Variants in ROR2 observed in about 807,000 individuals in gnomAD.
The protein encoded by ROR2 is tyrosine-protein kinase transmembrane receptor ROR2.
In ROR2, 33 loss-of-function variants were observed where a neutral mutation model predicts 74.9. The ratio of observed to expected loss-of-function variants is 0.44; its 90% CI spans 0.33 to 0.59. ROR2 has a LOEUF of 0.59. Among genes scored for constraint, ROR2 ranks in the 20% least tolerant of loss-of-function variants. The pLI, the probability that ROR2 is intolerant of heterozygous loss-of-function variation, is 0.02. For missense variants in ROR2, 1,216 were observed against 1,313.8 expected (o/e 0.93, Z 1.15); for synonymous variants, 586 against 558.7 (o/e 1.05, Z -0.69).
chr9:91,770,088 T>C (rs1243834285), intron 2 of ROR2, among the ~76,000 whole-genome samples: 1 of 152,048 alleles, frequency 6.6e-6, no homozygotes, highest in African/African-American at 2.4e-5. Flanking sequence ...GTTCTATGTG[T>C]CTAGACCCTG....
chr9:91,899,718 A>G (rs1023756194), intron 1 of ROR2, among the ~76,000 whole-genome samples: 1 of 148,752 alleles, frequency 6.7e-6, no homozygotes, highest in Non-Finnish European at 1.5e-5. Context: ...AGACACACAC[A>G]CCAGGAATCT....
intron 2 of ROR2, among the ~76,000 whole-genome samples, chr9:91,760,243 C>T (rs1255339075): frequency 1.3e-5 from 2 of 152,214 alleles, no homozygotes; most frequent in Non-Finnish European, 2.9e-5. Flanking sequence ...CACTTCTAAC[C>T]TTGCCTTTCC....
intron 1 of ROR2, among the ~76,000 whole-genome samples, chr9:91,858,173 A>G (rs1587790967): frequency 6.6e-6 from 1 of 152,210 alleles, no homozygotes; most frequent in Non-Finnish European, 1.5e-5. Flanking sequence ...GAGTTCCTAC[A>G]GCTTCCAACC....
intron 1 of ROR2, among the ~76,000 whole-genome samples, chr9:91,861,850 G>A (rs988316548): frequency 7.9e-5 from 12 of 152,156 alleles, no homozygotes; most frequent in African/African-American, 2.7e-4. Flanking sequence ...TTTGTTAAGG[G>A]ATTTGTATTT....
At chr9:91,742,092 A>G (rs1216920885) in intron 4 of ROR2, among the ~76,000 whole-genome samples, 1 of 152,236 alleles carries the variant, frequency 6.6e-6, no homozygotes, top group East Asian at 1.9e-4. Flanking sequence ...ACAGTTCCAC[A>G]TGGCTGTGGA....
intron 1 of ROR2, among the ~76,000 whole-genome samples, chr9:91,867,491 G>A (rs1196187486): frequency 6.6e-6 from 1 of 152,134 alleles, no homozygotes; most frequent in African/African-American, 2.4e-5. Context: ...CATAGTCAAG[G>A]TGAGTATGCA....
chr9:91,731,121 G>T lies in ROR2; in HGVS notation c.972C>A (p.Tyr324Ter). 6.2e-7 allele frequency: 1 copy of T among 1,614,078 alleles called. No homozygotes were observed. The highest frequency in any genetic ancestry group is 8.5e-7 in the Non-Finnish European group (1 of 1,180,024). Reference sequence around the variant, plus strand: ...ACTTGGTGGTGCTTGCCGTTCCTCTGTAATCCATGCCTGAGCCGTTATAGC... The same window carrying T: ...ACTTGGTGGTGCTTGCCGTTCCTCTTTAATCCATGCCTGAGCCGTTATAGC... ...HQCYNGSGMDYRGTASTTKSG... is the reference protein window; with the variant it reads ...HQCYNGSGMD Residue 324 changes from tyrosine (Y) to a stop codon, truncating the protein, a stop_gained, in exon 7 of 9, where the codon TAC (tyrosine) becomes TAA (stop). Transcript: ENST00000375708. LOFTEE classifies it high-confidence loss of function.
At chr9:91,948,736 G>T (rs997357889) in intron 1 of ROR2, 36 of 985,296 alleles carry the variant, frequency 3.7e-5, no homozygotes, top group Non-Finnish European at 4.3e-5. Flanking sequence ...TGCAGGGATG[G>T]GGGATACTGA....
At chr9:91,735,567 G>A (rs1022065775) in intron 5 of ROR2, among the ~76,000 whole-genome samples, 2 of 147,476 alleles carry the variant, frequency 1.4e-5, no homozygotes, top group East Asian at 4.3e-4. Context: ...GAACAGACTA[G>A]AGGATGTCAG....
intron 1 of ROR2, among the ~76,000 whole-genome samples, chr9:91,811,858 T>A (rs2119105136): frequency 6.6e-6 from 1 of 152,278 alleles, no homozygotes; most frequent in Non-Finnish European, 1.5e-5. Flanking sequence ...TTAAAACAGA[T>A]CCCGGCACAC....
At chr9:91,847,011 C>T (rs956915627) in intron 1 of ROR2, among the ~76,000 whole-genome samples, 2 of 152,072 alleles carry the variant, frequency 1.3e-5, no homozygotes, top group Non-Finnish European at 2.9e-5. Context: ...GAGCTGCAGA[C>T]ATCACAAGCT....
intron 1 of ROR2, among the ~76,000 whole-genome samples, chr9:91,921,231 AC>A (rs1831255392): frequency 6.6e-6 from 1 of 152,214 alleles, no homozygotes; most frequent in Non-Finnish European, 1.5e-5. Flanking sequence ...CAAGACCTCA[AC>A]CCCATATCAA....
chr9:91,738,926 C>T (rs1276137606), intron 4 of ROR2, among the ~76,000 whole-genome samples: 1 of 152,194 alleles, frequency 6.6e-6, no homozygotes, highest in East Asian at 1.9e-4. Flanking sequence ...GTTGGTCTGG[C>T]TTCAGCCAAT....
intron 1 of ROR2, among the ~76,000 whole-genome samples, chr9:91,812,394 G>A (rs76306939): frequency 0.017 from 2,623 of 152,172 alleles, 30 homozygotes; most frequent in South Asian, 0.032. Flanking sequence ...GCTCCTGCGC[G>A]GGGGCCGGGC....
intron 1 of ROR2, among the ~76,000 whole-genome samples, chr9:91,813,729 C>T (rs1827832601): frequency 1.3e-5 from 2 of 152,172 alleles, no homozygotes; most frequent in Middle Eastern, 3.4e-3. Context: ...TCAGGGCCCC[C>T]TCTAGAAACC....
At chr9:91,735,507 G>T (rs149852530) in intron 5 of ROR2, among the ~76,000 whole-genome samples, 9 of 151,766 alleles carry the variant, frequency 5.9e-5, no homozygotes, top group African/African-American at 2.2e-4. Flanking sequence ...AATTAGTAGG[G>T]TGTCTAATTA....
At chr9:91,914,215 G>A (rs1456911577) in intron 1 of ROR2, among the ~76,000 whole-genome samples, 1 of 152,048 alleles carries the variant, frequency 6.6e-6, no homozygotes, top group African/African-American at 2.4e-5. Context: ...CGAGCCACGG[G>A]GCCATCCTAT....
chr9:91,835,173 C>T (rs1377174194), intron 1 of ROR2, among the ~76,000 whole-genome samples: 1 of 152,190 alleles, frequency 6.6e-6, no homozygotes, highest in African/African-American at 2.4e-5. Flanking sequence ...CCACAACCTG[C>T]TGCCCCCTCA....
intron 1 of ROR2, among the ~76,000 whole-genome samples, chr9:91,792,351 A>G (rs1827017660): frequency 7.8e-6 from 1 of 127,720 alleles, no homozygotes; most frequent in Non-Finnish European, 1.6e-5. Context: ...TCTGTCGCCC[A>G]GGTTGGAGTG....
Sources: gnomAD v4.1 joint callset for allele counts (sites outside exome capture counted in the v4.1 genomes callset) on GRCh38, gnomAD v4.1.1 for gene constraint, MANE v1.5 for transcripts, NCBI Gene and HGNC (gene_info 2026-07-23, HGNC 2026-07-21) for gene names.